Variants in EBF2 observed in about 807,000 individuals in gnomAD.
EBF2 encodes the protein EBF transcription factor 2.
Under a neutral mutation model 72.8 loss-of-function variants are expected in EBF2, and 21 were observed. That is an observed-to-expected ratio of 0.29 (90% CI 0.20 to 0.42). The LOEUF is 0.42. Ranked by LOEUF, EBF2 falls within the 10% of genes least tolerant of loss-of-function variation. The pLI is 1.00. For missense variants in EBF2, 637 were observed against 731.2 expected, an observed-to-expected ratio of 0.87 and a Z score of 1.49; for synonymous variants, 299 against 274.2, an observed-to-expected ratio of 1.09 and a Z score of -0.89.
At chr8:25,857,961 G>C in intron 14 of EBF2, 1 of 382,164 alleles carries the variant, frequency 2.6e-6, no homozygotes, top group South Asian at 2.1e-5. Context: ...TTATCGAAAA[G>C]TTCTTATGGA....
chr8:25,952,139 T>A (rs1433019352), intron 6 of EBF2, among the ~76,000 whole-genome samples: 1 of 151,784 alleles, frequency 6.6e-6, no homozygotes, highest in African/African-American at 2.4e-5. Context: ...CAAAAAAAAA[T>A]TATTTAATTA....
At chr8:25,849,568 A>G (rs879902160) in intron 15 of EBF2, among the ~76,000 whole-genome samples, 9 of 152,140 alleles carry the variant, frequency 5.9e-5, no homozygotes, top group Non-Finnish European at 1.2e-4. Flanking sequence ...TTTTCTTGTC[A>G]AGAACATGAG....
At chr8:25,953,699 C>T (rs1803898690) in intron 6 of EBF2, among the ~76,000 whole-genome samples, 2 of 152,210 alleles carry the variant, frequency 1.3e-5, no homozygotes, top group Non-Finnish European at 2.9e-5. Flanking sequence ...TAAGAGAAGG[C>T]TGGCCCCAAA....
At chr8:25,904,443 G>A (rs925184089) in intron 7 of EBF2, among the ~76,000 whole-genome samples, 26 of 151,598 alleles carry the variant, frequency 1.7e-4, no homozygotes, top group Admixed American at 1.7e-3. Flanking sequence ...TGGGGGTAAG[G>A]GAAGGAGGGG....
intron 6 of EBF2, among the ~76,000 whole-genome samples, chr8:25,917,199 G>GTTTT (rs3034248): frequency 1.7e-4 from 25 of 143,158 alleles, no homozygotes; most frequent in Non-Finnish European, 2.3e-4. Flanking sequence ...GTGGTTTGGG[G>GTTTT]TTTTTTTTTT....
At chr8:25,966,137 G>C (rs1804111402) in intron 6 of EBF2, among the ~76,000 whole-genome samples, 1 of 152,256 alleles carries the variant, frequency 6.6e-6, no homozygotes, top group Non-Finnish European at 1.5e-5. Flanking sequence ...CAAAGGGCAA[G>C]AGGGCTTTTG....
At chr8:26,001,611 G>A (rs1804726889) in intron 6 of EBF2, among the ~76,000 whole-genome samples, 1 of 151,670 alleles carries the variant, frequency 6.6e-6, no homozygotes, top group African/African-American at 2.4e-5. Flanking sequence ...GTGCAATTGT[G>A]CGATCTTGGC....
Position 26,000,324 on chromosome 8 carries a change from G to A in EBF2, c.551+32761C>T, listed in dbSNP as rs556384535. Among the ~76,000 whole-genome samples the A allele has an allele frequency of 1.1e-4, 17 of 152,250 alleles. No individual in the cohort carries two copies. In the East Asian group the frequency reaches 3.1e-3, roughly 28 times the overall value. On this transcript the variant is annotated intron_variant, in intron 6 of 15. Coordinates refer to ENST00000520164, the MANE Select transcript of EBF2 (RefSeq NM_022659.4). Reference sequence around the variant, plus strand: ...ACCATCATCATCAATATCGCTAAGTGGCCTTTATGAAGCTCAAACATATTT... The same window carrying A: ...ACCATCATCATCAATATCGCTAAGTAGCCTTTATGAAGCTCAAACATATTT...
At chr8:25,990,096 C>T (rs1804520927) in intron 6 of EBF2, among the ~76,000 whole-genome samples, 1 of 151,900 alleles carries the variant, frequency 6.6e-6, no homozygotes, top group Admixed American at 6.6e-5. Context: ...ACAAAGACAT[C>T]TTACTGAAAC....
At chr8:25,880,944 G>A (rs1802596076) in intron 10 of EBF2, among the ~76,000 whole-genome samples, 1 of 151,950 alleles carries the variant, frequency 6.6e-6, no homozygotes, top group Admixed American at 6.6e-5. Context: ...TCTGAAACAT[G>A]AGTGTCGTCC....
At chr8:25,920,014 A>G (rs776486114) in intron 6 of EBF2, among the ~76,000 whole-genome samples, 1 of 151,880 alleles carries the variant, frequency 6.6e-6, no homozygotes, top group Non-Finnish European at 1.5e-5. Context: ...AAGAGATTAA[A>G]TGGTTCAGGA....
chr8:25,971,760 T>A (rs183972811), intron 6 of EBF2, among the ~76,000 whole-genome samples: 2 of 152,218 alleles, frequency 1.3e-5, no homozygotes, highest in East Asian at 3.9e-4. Flanking sequence ...CTAAGCCTGC[T>A]GTATTATTTA....
chr8:25,897,461 C>G (rs934753246), intron 7 of EBF2, among the ~76,000 whole-genome samples: 1 of 152,030 alleles, frequency 6.6e-6, no homozygotes. Context: ...GATCCTGTCA[C>G]CCAGGTAGTG....
chr8:26,005,559 T>TAGAGAGAG (rs1362114716), intron 6 of EBF2, among the ~76,000 whole-genome samples: 701 of 55,356 alleles, frequency 0.013, 13 homozygotes, highest in African/African-American at 0.014. Flanking sequence ...TATATATATA[T>TAGAGAGAG]ATAGAGAGAG....
At chr8:25,978,264 G>T (rs1433503257) in intron 6 of EBF2, among the ~76,000 whole-genome samples, 3 of 137,616 alleles carry the variant, frequency 2.2e-5, no homozygotes, top group East Asian at 4.0e-4. Context: ...ACCTTGAGGG[G>T]CCTCGGGTTG....
At chr8:26,000,839 C>T (rs1233639560) in intron 6 of EBF2, among the ~76,000 whole-genome samples, 2 of 152,130 alleles carry the variant, frequency 1.3e-5, no homozygotes, top group African/African-American at 4.8e-5. Flanking sequence ...ACAACATAAC[C>T]GTAAAAATGC....
At chr8:25,994,800 G>C (rs747362519) in intron 6 of EBF2, among the ~76,000 whole-genome samples, 21 of 151,908 alleles carry the variant, frequency 1.4e-4, no homozygotes, top group Non-Finnish European at 2.6e-4. Flanking sequence ...GTGGAGGGTA[G>C]GCAAAAAAAA....
At chr8:25,886,213 G>A (rs533168079) in intron 10 of EBF2, among the ~76,000 whole-genome samples, 15 of 152,242 alleles carry the variant, frequency 9.9e-5, no homozygotes, top group East Asian at 3.9e-4. Context: ...GCAATATACC[G>A]TTGTCTCCTT....
chr8:25,844,993 C>T (rs1366859230), intron 15 of EBF2, among the ~76,000 whole-genome samples: 1 of 152,056 alleles, frequency 6.6e-6, no homozygotes, highest in Non-Finnish European at 1.5e-5. Flanking sequence ...AGATAATTTC[C>T]AGATTATACT....
Sources: allele counts gnomAD v4.1 joint callset (sites outside exome capture counted in the v4.1 genomes callset), GRCh38; gene constraint gnomAD v4.1.1; transcripts MANE v1.5; gene names NCBI Gene and HGNC (gene_info 2026-07-23, HGNC 2026-07-21).